PLA2G4A: variants seen among roughly 807,000 people sequenced by gnomAD.
PLA2G4A encodes the protein phospholipase A2 group IVA, also known as cytosolic phospholipase A2.
In PLA2G4A, 40 loss-of-function variants were observed where a neutral mutation model predicts 81.9. That is an observed-to-expected ratio of 0.49 (90% confidence interval 0.38 to 0.64). The LOEUF (loss-of-function observed/expected upper bound fraction) is 0.64, where lower values mean the gene tolerates loss of function less well. Ranked by LOEUF, PLA2G4A falls within the 30% of genes least tolerant of loss-of-function variation. The pLI, the probability that PLA2G4A is intolerant of heterozygous loss-of-function variation, is 0.00. For synonymous variants in PLA2G4A, 302 were observed against 296.9 expected, an observed-to-expected ratio of 1.02 and a Z score of -0.18; for missense variants, 715 against 905.1, an observed-to-expected ratio of 0.79 and a Z score of 2.69.
intron 1 of PLA2G4A, among the ~76,000 whole-genome samples, chr1:186,832,609 G>A (rs1220352296): frequency 1.3e-5 from 2 of 152,122 alleles, no homozygotes; most frequent in Non-Finnish European, 2.9e-5. Context: ...TACGAAAATA[G>A]TATCTTGTTT....
At chr1:186,903,994 C>T (rs1452214922) in intron 5 of PLA2G4A, among the ~76,000 whole-genome samples, 2 of 152,122 alleles carry the variant, frequency 1.3e-5, no homozygotes, top group African/African-American at 2.4e-5. Flanking sequence ...CTTTAAGCTT[C>T]ACTATTTCAA....
intron 1 of PLA2G4A, among the ~76,000 whole-genome samples, chr1:186,830,898 A>G (rs1344834213): frequency 6.6e-6 from 1 of 151,738 alleles, no homozygotes; most frequent in Admixed American, 6.6e-5. Flanking sequence ...GCTTTTATTT[A>G]CCATCAGTTT....
At chr1:186,863,486 TGTG>T (rs1220661279) in intron 2 of PLA2G4A, among the ~76,000 whole-genome samples, 2 of 152,176 alleles carry the variant, frequency 1.3e-5, no homozygotes, top group African/African-American at 4.8e-5. Context: ...ATCACATCTT[TGTG>T]GTGAGCACAT....
intron 1 of PLA2G4A, among the ~76,000 whole-genome samples, chr1:186,838,403 A>C (rs1295691229): frequency 1.3e-5 from 2 of 152,244 alleles, no homozygotes; most frequent in African/African-American, 4.8e-5. Flanking sequence ...ATCTAAACAA[A>C]AATTCATAAA....
At chr1:186,902,372 A>T (rs1654575507) in intron 5 of PLA2G4A, among the ~76,000 whole-genome samples, 1 of 152,038 alleles carries the variant, frequency 6.6e-6, no homozygotes, top group African/African-American at 2.4e-5. Context: ...GCTCCTTCTA[A>T]CAACCCCACA....
intron 2 of PLA2G4A, among the ~76,000 whole-genome samples, chr1:186,854,830 T>C (rs1282658471): frequency 6.6e-6 from 1 of 151,972 alleles, no homozygotes; most frequent in African/African-American, 2.4e-5. Flanking sequence ...TAAATTCTTC[T>C]ATGGGTGCTT....
At position 186,854,395 on chromosome 1, in the gene PLA2G4A, A is replaced by T; in HGVS notation, c.33+8A>T. 6.5e-7 allele frequency: 1 copy of T among 1,540,472 alleles called. No individual in the cohort carries two copies. The highest frequency in any genetic ancestry group is 9.0e-7 in the Non-Finnish European group (1 of 1,113,388). ...CCTTACCAGCACATTATAGTAAGTC[A>T]TTCACTGTTTATGAATTCTTTCTTG... On this transcript the variant is annotated splice_region_variant and intron_variant, in intron 2 of 17. Transcript: ENST00000367466.
intron 17 of PLA2G4A, among the ~76,000 whole-genome samples, chr1:186,986,753 T>C (rs1343248944): frequency 6.6e-6 from 1 of 152,238 alleles, no homozygotes; most frequent in African/African-American, 2.4e-5. Context: ...TAGTACATTA[T>C]TTCCATTTTA....
chr1:186,879,208 C>T (rs1451683457), intron 3 of PLA2G4A, among the ~76,000 whole-genome samples: 2 of 151,650 alleles, frequency 1.3e-5, no homozygotes, highest in Non-Finnish European at 2.9e-5. Flanking sequence ...GATAAAATTC[C>T]AGACAAAAAT....
chr1:186,947,785 A>G (rs912436721), intron 12 of PLA2G4A, among the ~76,000 whole-genome samples: 2 of 152,192 alleles, frequency 1.3e-5, no homozygotes, highest in Admixed American at 1.3e-4. Context: ...CTGATGGACT[A>G]TCAACACAAC....
At chr1:186,922,519 G>A (rs983211517) in intron 7 of PLA2G4A, among the ~76,000 whole-genome samples, 2 of 152,130 alleles carry the variant, frequency 1.3e-5, no homozygotes, top group African/African-American at 2.4e-5. Flanking sequence ...CATTCCACTG[G>A]GGCAGTTGCC....
intron 1 of PLA2G4A, among the ~76,000 whole-genome samples, chr1:186,846,262 T>C (rs976510620): frequency 5.3e-5 from 8 of 152,192 alleles, no homozygotes; most frequent in Admixed American, 5.2e-4. Flanking sequence ...CTAACTGGAA[T>C]TGGACATGCA....
intron 6 of PLA2G4A, among the ~76,000 whole-genome samples, chr1:186,909,663 A>G (rs1654872554): frequency 5.6e-5 from 2 of 35,710 alleles, no homozygotes; most frequent in African/African-American, 5.0e-4. Flanking sequence ...TCCGTCTCAA[A>G]AAAAAAAAAA....
At chr1:186,965,779 C>G (rs1657106954) in intron 15 of PLA2G4A, among the ~76,000 whole-genome samples, 186 bp downstream of exon 15, 1 of 152,052 alleles carries the variant, frequency 6.6e-6, no homozygotes, top group African/African-American at 2.4e-5. Context: ...TTAAATAATT[C>G]TAATGAGCTC....
chr1:186,909,435 T>A, intron 6 of PLA2G4A, among the ~76,000 whole-genome samples: 1 of 150,382 alleles, frequency 6.6e-6, no homozygotes. Flanking sequence ...CTGAAGTGGG[T>A]TGATTACCCG....
In PLA2G4A at chr1:186,959,181, A is replaced by G. The variant is rs1427907440; in HGVS notation, c.1579+2837A>G. ...CTTGGTTCTGCACTCCAGCCTGGGC[A>G]ACAGAGCCAGACTCCATCTCAAAAA... On this transcript the variant is annotated intron_variant, in intron 14 of 17. Transcript: ENST00000367466. Among the ~76,000 whole-genome samples the G allele has an allele frequency of 5.1e-5, 7 of 138,266 alleles. No homozygotes were observed. The South Asian group carries it at 7.5e-4, about 15-fold the overall frequency. 90.7% of individuals were successfully genotyped at this position (138,266 alleles called of 152,430 possible).
chr1:186,946,736 T>C lies in PLA2G4A; in HGVS notation c.1133T>C (p.Val378Ala). The part of the protein sequence containing the change: ...FGSKFFMGTV[V>A]KKYEENPLHF... ...AGCAAATTTTTTATGGGAACAGTCG[T>C]TAAGAAGTATGAAGAAAACCCCTTG... is the stretch of plus-strand genomic sequence containing the variant. Residue 378 changes from valine (V) to alanine (A), a missense_variant, in exon 11 of 18, where the codon GTT becomes GCT. By Grantham distance (64) the Val-to-Ala change is moderately conservative. Transcript: ENST00000367466. 4 of 1,612,272 alleles carry C rather than the reference T, an allele frequency of 2.5e-6. No individual in the cohort carries two copies. Among genetic ancestry groups the C allele is most frequent in the Non-Finnish European group, 3.4e-6 (4 of 1,178,590 alleles).
intron 5 of PLA2G4A, among the ~76,000 whole-genome samples, chr1:186,900,318 T>C (rs1189596003): frequency 1.3e-5 from 2 of 152,202 alleles, no homozygotes; most frequent in African/African-American, 4.8e-5. Flanking sequence ...TATAATTAAA[T>C]AGGTTAATGC....
chr1:186,914,800 G>T (rs1558432580), intron 7 of PLA2G4A, among the ~76,000 whole-genome samples: 2 of 152,152 alleles, frequency 1.3e-5, no homozygotes, highest in East Asian at 3.9e-4. Context: ...TAGAAATTGG[G>T]CATAAGACAA....
Sources: gnomAD v4.1 joint callset for allele counts (sites outside exome capture counted in the v4.1 genomes callset) on GRCh38, gnomAD v4.1.1 for gene constraint, MANE v1.5 for transcripts, NCBI Gene and HGNC (gene_info 2026-07-23, HGNC 2026-07-21) for gene names.